KCNMB2: variants seen among roughly 807,000 people sequenced by gnomAD.
KCNMB2 encodes potassium calcium-activated channel subfamily M regulatory beta subunit 2.
A neutral mutation model predicts 24.5 loss-of-function variants in KCNMB2; 9 were observed. The observed-to-expected ratio is 0.37, with a 90% CI of 0.22 to 0.64. KCNMB2 has a LOEUF of 0.64. KCNMB2 is among the 30% of genes least tolerant of loss of function. The pLI, the probability that KCNMB2 is intolerant of heterozygous loss-of-function variation, is 0.63. For missense variants in KCNMB2, 226 were observed against 284.3 expected, an observed-to-expected ratio of 0.79 and a Z score of 1.47; for synonymous variants, 109 against 104.4, an observed-to-expected ratio of 1.04 and a Z score of -0.27.
intron 1 of KCNMB2, among the ~76,000 whole-genome samples, chr3:178,540,527 C>T (rs1715581520): frequency 6.6e-6 from 1 of 152,202 alleles, no homozygotes; most frequent in African/African-American, 2.4e-5. Flanking sequence ...TCTGGTTCCT[C>T]CCTGTACCCT....
At chr3:178,826,285 A>G (rs1281936077) in intron 3 of KCNMB2, among the ~76,000 whole-genome samples, 1 of 152,076 alleles carries the variant, frequency 6.6e-6, no homozygotes, top group Admixed American at 6.5e-5. Context: ...CCCAGCCCCC[A>G]TCATCATCAA....
chr3:178,795,927 T>C (rs1577194992), intron 1 of KCNMB2, among the ~76,000 whole-genome samples: 1 of 152,320 alleles, frequency 6.6e-6, no homozygotes, highest in Admixed American at 6.5e-5. Flanking sequence ...TTAAATTTAA[T>C]ATTTGTACTT....
At chr3:178,550,829 T>C (rs1045329127) in intron 1 of KCNMB2, among the ~76,000 whole-genome samples, 1 of 152,200 alleles carries the variant, frequency 6.6e-6, no homozygotes, top group African/African-American at 2.4e-5. Context: ...TTGTATAAGT[T>C]AAATGAAATC....
chr3:178,759,116 T>TATATATATA (rs1711541280), intron 1 of KCNMB2, among the ~76,000 whole-genome samples: 1 of 63,378 alleles, frequency 1.6e-5, no homozygotes, highest in Non-Finnish European at 2.8e-5. Flanking sequence ...CCAAGAGGGA[T>TATATATATA]ATATATATAT....
At position 178,807,439 on chromosome 3, in the gene KCNMB2, T is replaced by G. The variant is rs773525642; in HGVS notation, c.30T>G (p.Ser10=). The G allele has an allele frequency of 6.2e-7, 1 of 1,613,896 alleles. No individual in the cohort carries two copies. Among genetic ancestry groups the G allele is most frequent in the South Asian group, 1.1e-5 (1 of 91,054 alleles). The change falls in exon 2 of 5, where the codon TCT becomes TCG. Residue 10 remains serine, a synonymous_variant. Coordinates refer to ENST00000452583, the MANE Select transcript of KCNMB2 (RefSeq NM_181361.3). ...TTATATGGACCAGTGGCCGGACCTC[T>G]TCATCTTATAGACATGATGAAAAAA... MFIWTSGRT[S]SSYRHDEKRN... is the part of the protein sequence containing the mutation.
rs140964558 is a variant in KCNMB2, at chr3:178,787,226, C to T, written c.-67-20117C>T. ...TTTCAAATCTAATATATATGTAATTCATTTTTAAGTGGTAATAGCATATAC... is the reference window on the plus strand; with the variant it reads ...TTTCAAATCTAATATATATGTAATTTATTTTTAAGTGGTAATAGCATATAC... On this transcript the variant is annotated intron_variant, in intron 1 of 4. Transcript: ENST00000452583. 3.1e-3 allele frequency among the ~76,000 whole-genome samples: 468 copies of T among 152,210 alleles called. 2 individuals carry two copies. The highest frequency in any genetic ancestry group is 0.011 in the African/African-American group (452 of 41,526).
intron 1 of KCNMB2, among the ~76,000 whole-genome samples, chr3:178,706,636 G>T (rs1364993446): frequency 1.3e-5 from 2 of 152,022 alleles, no homozygotes; most frequent in Admixed American, 1.3e-4. Context: ...TAATCCCTCT[G>T]CCAGGCCCCA....
Position 178,817,218 on chromosome 3 carries a change from T to TATATATATATATATATATATATAC in KCNMB2, c.57-8361_57-8360insTATATATATATATACATATATATA, listed in dbSNP as rs147866886. ...GACAAAATCCTTCATGTTAATGACA[T>TATATATATATATATATATATATAC]ATATATATAAATGAAGTGTGACTGT... is the stretch of plus-strand genomic sequence containing the variant. On this transcript the variant is annotated intron_variant, in intron 2 of 4. Coordinates refer to ENST00000452583, the MANE Select transcript of KCNMB2 (RefSeq NM_181361.3). 7.4e-3 allele frequency among the ~76,000 whole-genome samples: 1,005 copies of TATATATATATATATATATATATAC among 134,912 alleles called. 54 individuals carry two copies. Among genetic ancestry groups the TATATATATATATATATATATATAC allele is most frequent in the Admixed American group, 0.013 (180 of 13,466 alleles). The allele number at this position is 134,912 out of a possible 152,430, so 88.5% of individuals were successfully genotyped here. A position where few individuals can be genotyped will look rare whatever the true frequency, so the allele number is the denominator to read the frequency against.
chr3:178,812,865 T>C (rs764646179), intron 2 of KCNMB2, among the ~76,000 whole-genome samples: 5 of 152,140 alleles, frequency 3.3e-5, no homozygotes, highest in Non-Finnish European at 7.4e-5. Context: ...CTGTAATACA[T>C]CTTGATATTT....
chr3:178,627,736 C>A (rs1316138194), intron 1 of KCNMB2, among the ~76,000 whole-genome samples: 1 of 152,144 alleles, frequency 6.6e-6, no homozygotes, highest in Admixed American at 6.5e-5. Flanking sequence ...GCCATTTCAG[C>A]CTTGATTATG....
intron 1 of KCNMB2, among the ~76,000 whole-genome samples, chr3:178,551,368 T>C (rs55838081): frequency 0.24 from 35,854 of 152,164 alleles, 4,964 homozygotes; most frequent in East Asian, 0.43. Context: ...TTAAAAAGCA[T>C]TGAAAGTCCT....
chr3:178,730,406 C>CCG (rs1485108677), intron 1 of KCNMB2, among the ~76,000 whole-genome samples: 6 of 49,594 alleles, frequency 1.2e-4, no homozygotes, highest in African/African-American at 5.1e-4. Flanking sequence ...TCCCCCAACA[C>CCG]CCCCCCACAC....
At chr3:178,583,775 T>C (rs894605528) in intron 1 of KCNMB2, among the ~76,000 whole-genome samples, 1 of 152,196 alleles carries the variant, frequency 6.6e-6, no homozygotes, top group African/African-American at 2.4e-5. Flanking sequence ...CACATAAATG[T>C]ACTCAGAAAT....
chr3:178,629,032 G>A (rs182751655), intron 1 of KCNMB2, among the ~76,000 whole-genome samples: 110 of 152,024 alleles, frequency 7.2e-4, no homozygotes, highest in African/African-American at 2.5e-3. Context: ...TTTAATGTAC[G>A]GAATTAATAT....
At chr3:178,650,610 A>G (rs1720080040) in intron 1 of KCNMB2, among the ~76,000 whole-genome samples, 1 of 152,182 alleles carries the variant, frequency 6.6e-6, no homozygotes, top group Admixed American at 6.5e-5. Flanking sequence ...CAACAACAAA[A>G]AAAAATTTCA....
At chr3:178,758,305 TCTCCAAGGGG>T (rs1198039248) in intron 1 of KCNMB2, among the ~76,000 whole-genome samples, 7 of 29,480 alleles carry the variant, frequency 2.4e-4, no homozygotes, top group Non-Finnish European at 3.6e-4. Flanking sequence ...TATATATATA[TCTCCAAGGGG>T]ATATATATAT....
intron 1 of KCNMB2, among the ~76,000 whole-genome samples, chr3:178,590,722 T>C (rs1198239984): frequency 2.0e-5 from 3 of 152,318 alleles, no homozygotes; most frequent in Non-Finnish European, 2.9e-5. Context: ...ATACAGCTTG[T>C]AGTTGGAGAA....
intron 1 of KCNMB2, among the ~76,000 whole-genome samples, chr3:178,704,889 T>A (rs532282340): frequency 3.9e-5 from 6 of 152,180 alleles, no homozygotes; most frequent in Non-Finnish European, 8.8e-5. Flanking sequence ...CCATCTTCAG[T>A]TCCTGACTCC....
intron 1 of KCNMB2, among the ~76,000 whole-genome samples, chr3:178,768,834 G>C (rs1712230063): frequency 1.3e-5 from 2 of 152,148 alleles, no homozygotes; most frequent in Non-Finnish European, 2.9e-5. Context: ...ACATTTCACA[G>C]AGCAAATAAA....
Sources: allele counts gnomAD v4.1 joint callset (sites outside exome capture counted in the v4.1 genomes callset), GRCh38; gene constraint gnomAD v4.1.1; transcripts MANE v1.5; gene names NCBI Gene and HGNC (gene_info 2026-07-23, HGNC 2026-07-21).